The following TNS1 variants were observed in gnomAD, a reference collection of about 807,000 sequenced individuals.
TNS1 encodes the protein tensin-1.
TNS1 carries 62 observed loss-of-function variants against 168.6 expected under a neutral mutation model. That is an observed-to-expected ratio of 0.37 (90% CI 0.30 to 0.45). TNS1 has a LOEUF of 0.45. Ranked by LOEUF, TNS1 falls within the 20% of genes least tolerant of loss-of-function variation. The pLI, the probability that TNS1 is intolerant of heterozygous loss-of-function variation, is 1.00. For missense variants in TNS1, 2,240 were observed against 2,339.4 expected, an observed-to-expected ratio of 0.96 and a Z score of 0.88; for synonymous variants, 934 against 933.2, an observed-to-expected ratio of 1.00 and a Z score of -0.02.
chr2:217,817,582 C>T, intron 24 of TNS1, 108 bp downstream of exon 24: 1 of 931,010 alleles, frequency 1.1e-6, no homozygotes, highest in South Asian at 1.7e-5. Flanking sequence ...GTGATTCACC[C>T]AGGGTCGTCT....
At chr2:217,884,107 A>G (rs1178473729) in intron 16 of TNS1, among the ~76,000 whole-genome samples, 2 of 121,568 alleles carry the variant, frequency 1.6e-5, no homozygotes, top group East Asian at 2.9e-4. Flanking sequence ...CGACACATAC[A>G]GACACACAAG....
intron 3 of TNS1, among the ~76,000 whole-genome samples, chr2:217,977,959 T>C (rs1458463568): frequency 1.3e-5 from 2 of 152,160 alleles, no homozygotes; most frequent in Non-Finnish European, 2.9e-5. Context: ...TTTCCACCCC[T>C]AGGCAGAGCT....
At chr2:218,003,119 G>T, upstream of TNS1, 1 of 363,322 alleles carries the variant, frequency 2.8e-6, no homozygotes, top group Admixed American at 3.6e-5. Context: ...GGCCTTGAGG[G>T]TCAGGAACCC....
intron 7 of TNS1, among the ~76,000 whole-genome samples, chr2:217,898,628 A>G (rs1409815669): frequency 2.0e-5 from 3 of 152,170 alleles, no homozygotes; most frequent in African/African-American, 7.2e-5. Flanking sequence ...GGCAGCTCCC[A>G]CTGCCTGCCA....
intron 1 of TNS1, among the ~76,000 whole-genome samples, chr2:217,993,896 C>T (rs913715441): frequency 2.0e-5 from 3 of 152,200 alleles, no homozygotes; most frequent in African/African-American, 7.2e-5. Flanking sequence ...GACAAATGTT[C>T]TTTGCACTGT....
Position 217,995,595 on chromosome 2 carries a change from G to A in TNS1, c.34-4539C>T, listed in dbSNP as rs994381918. ...AAAAAGTGCAAAGTGCTTTTCAAGG[G>A]TAGTGGCTTGTTAGGGCAATGATCG... On this transcript the variant is annotated intron_variant, in intron 1 of 32. Transcript: ENST00000682258. This position sits in a 1 kb window ranked among gnomAD's most constrained non-coding sequence, Gnocchi z 4.1. Among the ~76,000 whole-genome samples, 1 of 152,158 alleles carries A rather than the reference G, an allele frequency of 6.6e-6. No individual in the cohort carries two copies. Among genetic ancestry groups the A allele is most frequent in the African/African-American group, 2.4e-5 (1 of 41,420 alleles).
At chr2:217,896,499 C>T (rs182186720) in intron 8 of TNS1, among the ~76,000 whole-genome samples, 4 of 152,180 alleles carry the variant, frequency 2.6e-5, no homozygotes, top group Middle Eastern at 3.4e-3. Context: ...TGGAGTGATG[C>T]GCTACAAACC....
rs74972976 is a variant in TNS1 at position 217,840,304 on chromosome 2, C to T, written c.3008-4093G>A. On this transcript the variant is annotated intron_variant, in intron 19 of 32. Transcript: ENST00000682258. ...AGGTGATTCCCTGGCCAGGGCTCAA[C>T]GCCTAAGGGCCTGCGTGTCCCAGAG... 8.3e-3 allele frequency among the ~76,000 whole-genome samples: 1,271 copies of T among 152,324 alleles called. 17 individuals are homozygous for T. The highest frequency in any genetic ancestry group is 0.028 in the African/African-American group (1,174 of 41,566).
rs1957570167 is a variant in TNS1 at position 217,964,290 on chromosome 2, CTA to C, written c.186+14473_186+14474del. On this transcript the variant is annotated intron_variant, in intron 3 of 32. Coordinates refer to ENST00000682258, the MANE Select transcript of TNS1 (RefSeq NM_001387777.1). ...TTACAATCATCTTATGAAGCAAGAT[CTA>C]TGTTTATGACTATTACAGATCAAGA... 5.3e-5 allele frequency among the ~76,000 whole-genome samples: 8 copies of C among 152,336 alleles called. No homozygotes were observed. The South Asian group carries it at 1.7e-3, about 32-fold the overall frequency.
intron 2 of TNS1, among the ~76,000 whole-genome samples, chr2:217,984,895 AC>A (rs1958154894): frequency 6.6e-6 from 1 of 151,554 alleles, no homozygotes; most frequent in Non-Finnish European, 1.5e-5. Flanking sequence ...AGCTGGAATT[AC>A]AGGTGCTCGC....
chr2:217,810,622 C>A (rs746511181), intron 28 of TNS1, among the ~76,000 whole-genome samples: 1 of 152,250 alleles, frequency 6.6e-6, no homozygotes, highest in Non-Finnish European at 1.5e-5. Context: ...GGTTTTTGAG[C>A]GACTCCATGT....
In TNS1 at chr2:217,801,632, A is replaced by C. The variant is rs560974332; in HGVS notation, c.*2827T>G. ...GAAGATAAACATTTACAAAATAATA[A>C]TTAGTAAAAGTGCTTGCTTTTAAAG... On this transcript the variant is annotated 3_prime_UTR_variant, in exon 33 of 33. Coordinates refer to ENST00000682258, the MANE Select transcript of TNS1 (RefSeq NM_001387777.1). 3 of 152,400 alleles carry C rather than the reference A, an allele frequency of 2.0e-5. No homozygotes were observed. The highest frequency in any genetic ancestry group is 2.1e-4 in the South Asian group (1 of 4,830). 9.4% of individuals were successfully genotyped at this position (152,400 alleles called of 1,614,324 possible). A position where few individuals can be genotyped will look rare whatever the true frequency, so the allele number is the denominator to read the frequency against.
At chr2:217,979,970 G>A (rs1957999920) in intron 2 of TNS1, among the ~76,000 whole-genome samples, 1 of 152,170 alleles carries the variant, frequency 6.6e-6, no homozygotes, top group African/African-American at 2.4e-5. Flanking sequence ...TTGAGGCACA[G>A]ATGAATGCCC....
At chr2:217,894,901 C>T (rs923226326) in intron 9 of TNS1, 105 bp downstream of exon 9, 1 of 1,155,218 alleles carries the variant, frequency 8.7e-7, no homozygotes, top group African/African-American at 1.5e-5. Flanking sequence ...GGCACTCTGA[C>T]AAACTGTCAC....
At chr2:217,834,069 T>C (rs1256620459) in intron 21 of TNS1, among the ~76,000 whole-genome samples, 1 of 152,266 alleles carries the variant, frequency 6.6e-6, no homozygotes, top group Non-Finnish European at 1.5e-5. Context: ...AATGTGCTCA[T>C]AGTATATTTC....
rs577469107 is a variant in TNS1 at position 217,957,246 on chromosome 2, A to T, written c.186+21519T>A. On this transcript the variant is annotated intron_variant, in intron 3 of 32. Transcript: ENST00000682258. ...AGCCTTACATGGACATCTCAGGGAC[A>T]TGGTATTTATGAGATGAGGTATCCA... Among the ~76,000 whole-genome samples, 4 of 152,142 alleles carry T rather than the reference A, an allele frequency of 2.6e-5. No individual in the cohort carries two copies. The East Asian group carries it at 7.7e-4, about 29-fold the overall frequency.
intron 3 of TNS1, among the ~76,000 whole-genome samples, chr2:217,961,110 C>A (rs1957484332): frequency 2.0e-5 from 3 of 152,056 alleles, no homozygotes; most frequent in African/African-American, 7.3e-5. Context: ...CTCCTCCCAT[C>A]CTCCCCCAGC....
In TNS1 at chr2:217,813,283, CT is replaced by C. The variant is rs1242240474; in HGVS notation, c.4885del (p.Arg1629GlyfsTer4). On this transcript the variant is annotated frameshift_variant, in exon 27 of 33. Transcript: ENST00000682258. LOFTEE classifies it high-confidence loss of function. This position sits in a 1 kb window ranked among gnomAD's most constrained non-coding sequence, Gnocchi z 4.0. Reference protein sequence around the residue: ...KKGDMTHELVRHFLIETGPRG... With the variant: ...KKGDMTHELVXHFLIETGPRG... ...GGGGCCAGTCTCTATCAGAAAATGCCTGACCAGCTCATGGGTCATGTCTCCT... is the reference window on the plus strand; with the variant it reads ...GGGGCCAGTCTCTATCAGAAAATGCCGACCAGCTCATGGGTCATGTCTCCT... 1.3e-6 allele frequency: 2 copies of C among 1,594,956 alleles called. No homozygotes were observed. Among genetic ancestry groups the C allele is most frequent in the Non-Finnish European group, 1.7e-6 (2 of 1,169,334 alleles).
chr2:217,880,949 G>A lies in TNS1; in HGVS notation c.1378C>T (p.Arg460Cys), dbSNP rs976031308. Residue 460 changes from arginine to cysteine, a missense_variant, in exon 18 of 33, where the codon CGC (arginine) becomes TGC (cysteine). Arg to Cys is a radical substitution (Grantham distance 180). Around this residue, in one of 2 missense-constraint regions of TNS1, gnomAD observed 2,131 missense variants for 2,171.2 expected, o/e 0.98. Coordinates refer to ENST00000682258, the MANE Select transcript of TNS1 (RefSeq NM_001387777.1). This position sits in a 1 kb window ranked among gnomAD's most constrained non-coding sequence, Gnocchi z 4.2. ...VDYNTSDPLI[R>C]WDSYDNFSGH... ...CTGAAGTTGTCGTAGGAGTCCCAGC[G>A]GATGAGGGGGTCGGAGGTGTTATAG... 8.1e-6 allele frequency: 13 copies of A among 1,613,994 alleles called. No homozygotes were observed. Among genetic ancestry groups the A allele is most frequent in the South Asian group, 3.3e-5 (3 of 91,068 alleles).
Sources: allele counts gnomAD v4.1 joint callset (sites outside exome capture counted in the v4.1 genomes callset), GRCh38; gene constraint gnomAD v4.1.1; regional missense constraint gnomAD v4.1.1; non-coding constraint Gnocchi (gnomAD v3.1); transcripts MANE v1.5; gene names NCBI Gene and HGNC (gene_info 2026-07-23, HGNC 2026-07-21).